PCDH11Y: variants seen among roughly 807,000 people sequenced by gnomAD.
The protein encoded by PCDH11Y is protocadherin-11 Y-linked.
For missense variants in PCDH11Y, 12 were observed against 224.8 expected (o/e 0.05, Z 6.05); for synonymous variants, 9 against 83.6 (o/e 0.11, Z 4.87).
At chrY:5,688,446 A>T in intron 4 of PCDH11Y, among the ~76,000 whole-genome samples, 1 of 32,727 alleles carries the variant, frequency 3.1e-5, no homozygotes, top group Non-Finnish European at 7.5e-5. Flanking sequence ...TTCATTAAAT[A>T]CTTGATGAGT....
downstream of PCDH11Y, chrY:5,104,393 C>T (rs2052784491): frequency 2.6e-6 from 1 of 392,147 alleles, no homozygotes; most frequent in Non-Finnish European, 3.6e-6. Context: ...ATGTAACTTT[C>T]TAGGAACAAC....
In PCDH11Y at chrY:5,385,955, G is replaced by C; in HGVS notation, c.3130-115102G>C. 1.2e-4 allele frequency among the ~76,000 whole-genome samples: 4 copies of C among 33,420 alleles called. No individual in the cohort carries two copies. In the South Asian group the frequency reaches 2.0e-3, roughly 17 times the overall value. The allele number at this position is 33,420 out of a possible 37,273, so 89.7% of individuals were successfully genotyped here. ...GTGAAGATTTTCTCCCACTCTGTAAGATTTGTTCTTTAAAGAGGTTATGTT... is the reference window on the plus strand; with the variant it reads ...GTGAAGATTTTCTCCCACTCTGTAACATTTGTTCTTTAAAGAGGTTATGTT... On this transcript the variant is annotated intron_variant, in intron 2 of 4. Transcript: ENST00000400457.
chrY:5,506,650 G>A, intron 3 of PCDH11Y, among the ~76,000 whole-genome samples: 1 of 32,174 alleles, frequency 3.1e-5, no homozygotes, highest in African/African-American at 1.2e-4. Flanking sequence ...GTAGAAAGGG[G>A]GGAGTAAAAT....
chrY:5,327,393 C>G, intron 2 of PCDH11Y, among the ~76,000 whole-genome samples: 2 of 33,503 alleles, frequency 6.0e-5, no homozygotes, highest in Admixed American at 2.7e-4. Context: ...AGATTCTGAA[C>G]TAACTTGTAA....
intron 2 of PCDH11Y, among the ~76,000 whole-genome samples, chrY:5,364,560 C>CT (rs373263322): frequency 1.9e-4 from 5 of 25,823 alleles, no homozygotes; most frequent in East Asian, 9.6e-4. Flanking sequence ...TCTATCCTTC[C>CT]TTTTTTTTTT....
At chrY:5,388,533 C>G in intron 2 of PCDH11Y, among the ~76,000 whole-genome samples, 1 of 32,928 alleles carries the variant, frequency 3.0e-5, no homozygotes, top group Non-Finnish European at 7.4e-5. Context: ...TGTCTCCCGG[C>G]TCCTGCAGGA....
rs60771778 is a variant in PCDH11Y at position 5,129,478 on chromosome Y, C to CAGAGAGAGAG, written c.3129+28794_3129+28803dup. ...ACACACACATACCCACACACACACA[C>CAGAGAGAGAG]AGAGAGAGAGAGAGAGAGAGAGAGA... On this transcript the variant is annotated intron_variant, in intron 2 of 4. Transcript: ENST00000400457. 0.017 allele frequency among the ~76,000 whole-genome samples: 216 copies of CAGAGAGAGAG among 12,442 alleles called. No homozygotes were observed. In the East Asian group the frequency reaches 0.66, roughly 38 times the overall value. 33.4% of individuals were successfully genotyped at this position (12,442 alleles called of 37,273 possible). A position where few individuals can be genotyped will look rare whatever the true frequency, so the allele number is the denominator to read the frequency against.
At chrY:5,683,186 T>C in intron 4 of PCDH11Y, among the ~76,000 whole-genome samples, 3 of 32,583 alleles carry the variant, frequency 9.2e-5, no homozygotes, top group Admixed American at 5.6e-4. Flanking sequence ...CAGGAGACAA[T>C]CTGAAAAAGA....
intron 2 of PCDH11Y, among the ~76,000 whole-genome samples, chrY:5,457,163 A>G: frequency 3.0e-5 from 1 of 33,603 alleles, no homozygotes; most frequent in Non-Finnish European, 7.4e-5. Flanking sequence ...AGTGTTTTAT[A>G]TAATCAGAAT....
At chrY:5,630,763 A>G in intron 4 of PCDH11Y, among the ~76,000 whole-genome samples, 1 of 33,019 alleles carries the variant, frequency 3.0e-5, no homozygotes, top group Admixed American at 2.8e-4. Context: ...TGCTGTTAGC[A>G]TTATGATTCC....
intron 4 of PCDH11Y, among the ~76,000 whole-genome samples, chrY:5,677,374 T>C (rs1602958904): frequency 1.2e-4 from 4 of 32,114 alleles, no homozygotes; most frequent in African/African-American, 4.9e-4. Flanking sequence ...CAACACATAA[T>C]AAGTTTCACA....
rs1602878321 is a variant in PCDH11Y at position 5,162,761 on chromosome Y, G to C, written c.3129+62054G>C. 1.2e-4 allele frequency among the ~76,000 whole-genome samples: 4 copies of C among 32,768 alleles called. No individual in the cohort carries two copies. The East Asian group carries it at 3.2e-3, about 26-fold the overall frequency. The allele number at this position is 32,768 out of a possible 37,273, so 87.9% of individuals were successfully genotyped here. ...GTAGACATGCAAGAAGAAAAGATCA[G>C]TGAATATGAAGACATAGCAATACAA... On this transcript the variant is annotated intron_variant, in intron 2 of 4. Coordinates refer to the PCDH11Y transcript ENST00000400457.
At chrY:5,000,333 C>A in exon 1 of PCDH11Y, 1 of 29,760 alleles carries the variant, frequency 3.4e-5, no homozygotes, top group Admixed American at 2.9e-4. Context: ...GAGCCGTGAG[C>A]AGTAGCTGCA....
At chrY:5,061,007 C>CA (rs2052674564) in intron 1 of PCDH11Y, among the ~76,000 whole-genome samples, 9 of 28,112 alleles carry the variant, frequency 3.2e-4, no homozygotes, top group African/African-American at 1.1e-3. Context: ...ACTCTGTCTC[C>CA]AAAAAAAATA....
chrY:5,612,691 C>CT (rs755385134), intron 4 of PCDH11Y, among the ~76,000 whole-genome samples: 94 of 27,032 alleles, frequency 3.5e-3, no homozygotes, highest in South Asian at 0.01. Context: ...GTTCATACAT[C>CT]TTTTTTTTTT....
chrY:5,314,385 G>C, intron 2 of PCDH11Y, among the ~76,000 whole-genome samples: 1 of 29,296 alleles, frequency 3.4e-5, no homozygotes, highest in Non-Finnish European at 8.0e-5. Flanking sequence ...CTGACCTCAG[G>C]TGATCCACCC....
chrY:5,107,922 G>A (rs1224107390), downstream of PCDH11Y, among the ~76,000 whole-genome samples: 9 of 31,463 alleles, frequency 2.9e-4, no homozygotes, highest in Admixed American at 5.9e-4. Flanking sequence ...AGCCGGGCGT[G>A]GTGGCGGGCG....
At chrY:5,358,868 T>C in intron 2 of PCDH11Y, among the ~76,000 whole-genome samples, 1 of 30,869 alleles carries the variant, frequency 3.2e-5, no homozygotes, top group African/African-American at 1.3e-4. Flanking sequence ...TTTTTTAATT[T>C]TTGTAACTAT....
intron 2 of PCDH11Y, among the ~76,000 whole-genome samples, chrY:5,268,945 A>C: frequency 3.2e-5 from 1 of 31,679 alleles, no homozygotes; most frequent in Admixed American, 3.0e-4. Flanking sequence ...CCATATAAAT[A>C]ATAAGATCGT....
Sources: gnomAD v4.1 joint callset for allele counts (sites outside exome capture counted in the v4.1 genomes callset) on GRCh38, gnomAD v4.1.1 for gene constraint, MANE v1.5 for transcripts, NCBI Gene and HGNC (gene_info 2026-07-23, HGNC 2026-07-21) for gene names.